The following CDH23 variants were observed in gnomAD, a reference collection of about 807,000 sequenced individuals.
CDH23 encodes the protein cadherin-23.
In CDH23, 189 loss-of-function variants were observed where a neutral mutation model predicts 317.1. The observed-to-expected ratio is 0.60, with a 90% CI of 0.53 to 0.67. The LOEUF (loss-of-function observed/expected upper bound fraction) is 0.67, where lower values mean the gene tolerates loss of function less well. Among genes scored for constraint, CDH23 ranks in the 30% least tolerant of loss-of-function variants. The pLI, the probability that CDH23 is intolerant of heterozygous loss-of-function variation, is 0.00. For missense variants in CDH23, 4,401 were observed against 4,592.4 expected, an observed-to-expected ratio of 0.96 and a Z score of 1.20; for synonymous variants, 1,839 against 1,876.8, an observed-to-expected ratio of 0.98 and a Z score of 0.52.
chr10:71,639,841 C>G (rs1589287162), intron 11 of CDH23, among the ~76,000 whole-genome samples: 1 of 152,164 alleles, frequency 6.6e-6, no homozygotes, highest in African/African-American at 2.4e-5. Flanking sequence ...TGGAATATCT[C>G]TCTCTCACAC....
rs1489078096 is a variant in CDH23, at chr10:71,671,122, G to A, written c.1450-3990G>A. The stretch of plus-strand genomic sequence containing the variant: ...CTACAGGCAATTGCCACCATGCCTG[G>A]CTAATTTTTCTATTTTTAATAGAGA... On this transcript the variant is annotated intron_variant, in intron 14 of 69. Transcript: ENST00000224721. 3.9e-5 allele frequency among the ~76,000 whole-genome samples: 6 copies of A among 152,052 alleles called. No individual in the cohort carries two copies. In the East Asian group the frequency reaches 1.2e-3, roughly 29 times the overall value.
intron 3 of CDH23, among the ~76,000 whole-genome samples, chr10:71,486,644 G>A (rs1238438834): frequency 6.6e-6 from 1 of 152,202 alleles, no homozygotes; most frequent in East Asian, 1.9e-4. Context: ...GGGAAACGGA[G>A]GCTCAGGCCA....
At chr10:71,399,548 T>C (rs1248707247) in intron 1 of CDH23, among the ~76,000 whole-genome samples, 1 of 152,220 alleles carries the variant, frequency 6.6e-6, no homozygotes, top group Admixed American at 6.5e-5. Flanking sequence ...CAAGAGTGTT[T>C]GTGTTTTAGG....
At chr10:71,505,606 G>T (rs1375098413) in intron 3 of CDH23, among the ~76,000 whole-genome samples, 1 of 152,202 alleles carries the variant, frequency 6.6e-6, no homozygotes, top group Non-Finnish European at 1.5e-5. Flanking sequence ...TAGAAGTCAG[G>T]CTGGTGTGTG....
chr10:71,659,923 A>ACTCAGCTG (rs1863573533), intron 14 of CDH23, among the ~76,000 whole-genome samples: 1 of 148,100 alleles, frequency 6.8e-6, no homozygotes, highest in Non-Finnish European at 1.5e-5. Context: ...GTTTACCCTG[A>ACTCAGCTG]CTCAGCTGTT....
At chr10:71,750,218 C>A (rs1839960059) in intron 38 of CDH23, 1 of 152,264 alleles carries the variant, frequency 6.6e-6, no homozygotes, top group South Asian at 2.1e-4. Context: ...AGCGAAGACT[C>A]CACCAGGCCC....
intron 38 of CDH23, among the ~76,000 whole-genome samples, chr10:71,773,063 C>G (rs1390852782): frequency 6.6e-6 from 1 of 152,256 alleles, no homozygotes; most frequent in Non-Finnish European, 1.5e-5. Flanking sequence ...CTACCTGTGC[C>G]CTGGGTTCTC....
intron 14 of CDH23, among the ~76,000 whole-genome samples, chr10:71,665,719 T>A (rs1425302163): frequency 6.6e-6 from 1 of 152,194 alleles, no homozygotes; most frequent in Non-Finnish European, 1.5e-5. Context: ...CCAACCCCAG[T>A]GTCTTACCCA....
At chr10:71,705,315 C>A (rs1865744869) in intron 25 of CDH23, among the ~76,000 whole-genome samples, 185 bp downstream of exon 25, 1 of 152,186 alleles carries the variant, frequency 6.6e-6, no homozygotes, top group African/African-American at 2.4e-5. Context: ...CTTCTCCACA[C>A]CTGACCACTG....
chr10:71,451,324 G>A (rs546945265), intron 3 of CDH23, among the ~76,000 whole-genome samples: 13 of 152,302 alleles, frequency 8.5e-5, no homozygotes, highest in African/African-American at 2.6e-4. Flanking sequence ...GCCTGAGGCA[G>A]AGCCTGCTCC....
chr10:71,701,906 C>A, intron 22 of CDH23, 116 bp from the exon 23 acceptor site: 1 of 1,115,352 alleles, frequency 9.0e-7, no homozygotes, highest in Non-Finnish European at 1.3e-6. Context: ...CTTCCTGGGC[C>A]AGAGCCAGGA....
intron 14 of CDH23, among the ~76,000 whole-genome samples, chr10:71,670,244 T>C (rs1439700111): frequency 5.3e-5 from 8 of 152,190 alleles, no homozygotes; most frequent in Non-Finnish European, 8.8e-5. Context: ...CTGCCCACCA[T>C]GGTGTCTGAT....
intron 9 of CDH23, among the ~76,000 whole-genome samples, chr10:71,603,601 C>A (rs1389543427): frequency 6.6e-6 from 1 of 152,034 alleles, no homozygotes; most frequent in Non-Finnish European, 1.5e-5. Flanking sequence ...AACCGGGTGC[C>A]AAGCAGGCAG....
intron 28 of CDH23, among the ~76,000 whole-genome samples, chr10:71,720,099 A>C (rs752834839): frequency 6.6e-6 from 1 of 152,214 alleles, no homozygotes; most frequent in Non-Finnish European, 1.5e-5. Flanking sequence ...TTCGCTATTC[A>C]GTGCCTGCCA....
chr10:71,483,141 G>C (rs1350373976), intron 3 of CDH23, among the ~76,000 whole-genome samples: 1 of 152,222 alleles, frequency 6.6e-6, no homozygotes, highest in East Asian at 1.9e-4. Context: ...TAAGGCTGGG[G>C]CTGGGGGCTT....
chr10:71,580,716 C>T (rs1030787881), intron 9 of CDH23, among the ~76,000 whole-genome samples: 2 of 152,180 alleles, frequency 1.3e-5, no homozygotes, highest in African/African-American at 2.4e-5. Flanking sequence ...TTACCTATTT[C>T]GTGGGTGTTT....
intron 22 of CDH23, among the ~76,000 whole-genome samples, chr10:71,697,832 T>C (rs1227070): frequency 0.65 from 98,400 of 152,024 alleles, 33,463 homozygotes; most frequent in African/African-American, 0.86. Flanking sequence ...CCCTGAGGAG[T>C]CAGCCGCATC....
Position 71,732,180 on chromosome 10 carries a change from G to A in CDH23, c.3909G>A (p.Leu1303=), listed in dbSNP as rs1351308108. 4.3e-6 allele frequency: 7 copies of A among 1,613,788 alleles called. No homozygotes were observed. The highest frequency in any genetic ancestry group is 1.1e-5 in the South Asian group (1 of 91,062). The change falls in exon 32 of 70, where the codon CTG becomes CTA. Residue 1303 remains leucine (L), a synonymous_variant. Transcript: ENST00000224721. ...GCTTCTGCAGCGTCTACATCACTCT[G>A]CTCAACGAGCTGGACGAGGCCGTGC... The part of the protein sequence containing the change: ...NQGFCSVYIT[L]LNELDEAVQF...
At position 71,803,358 on chromosome 10, in the gene CDH23, G is replaced by A. The variant is rs560143693; in HGVS notation, c.7810G>A (p.Val2604Ile). Reference sequence around the variant, plus strand: ...CATGCTCCTGGTGGAGGTCATCGACGTCAATGACAACCGCCCTGTCTTTGT... The same window carrying A: ...CATGCTCCTGGTGGAGGTCATCGACATCAATGACAACCGCCCTGTCTTTGT... ...TTMLLVEVID[V>I]NDNRPVFVRP... Residue 2604 changes from valine (V) to isoleucine (I), a missense_variant, in exon 55 of 70, where the codon GTC becomes ATC. Transcript: ENST00000224721. 7.5e-6 allele frequency: 12 copies of A among 1,599,958 alleles called. No homozygotes were observed. The highest frequency in any genetic ancestry group is 4.5e-5 in the South Asian group (4 of 88,312).
Sources: gnomAD v4.1 joint callset for allele counts (sites outside exome capture counted in the v4.1 genomes callset) on GRCh38, gnomAD v4.1.1 for gene constraint, MANE v1.5 for transcripts, NCBI Gene and HGNC (gene_info 2026-07-23, HGNC 2026-07-21) for gene names.